Variants in SAMD5 observed in about 807,000 individuals in gnomAD.
The protein encoded by SAMD5 is sterile alpha motif domain containing 5.
In SAMD5, 13 loss-of-function variants were observed where a neutral mutation model predicts 11.3. The observed-to-expected ratio is 1.15, with a 90% CI of 0.75 to 1.83. The LOEUF (loss-of-function observed/expected upper bound fraction) is 1.83. Among genes scored for constraint, SAMD5 ranks in the 40% most tolerant of loss-of-function variants. The pLI is 0.00. For missense variants in SAMD5, 255 were observed against 239.1 expected (o/e 1.07, Z -0.44); for synonymous variants, 129 against 111.3 (o/e 1.16, Z -1.00).
At chr6:147,804,007 G>T in the SAMD5 span, among the ~76,000 whole-genome samples, 1 of 152,018 alleles carries the variant, frequency 6.6e-6, no homozygotes, top group African/African-American at 2.4e-5. Context: ...CCTTGGGAAA[G>T]CTTTTTTCAC....
the SAMD5 span, among the ~76,000 whole-genome samples, chr6:147,943,007 G>A: frequency 1.3e-5 from 2 of 151,786 alleles, no homozygotes; most frequent in Non-Finnish European, 2.9e-5. Context: ...TTTTAGTAGA[G>A]ATGGAGTTTT....
At chr6:147,653,163 T>G (rs896107200) in intron 1 of SAMD5, among the ~76,000 whole-genome samples, 1 of 152,184 alleles carries the variant, frequency 6.6e-6, no homozygotes, top group African/African-American at 2.4e-5. Flanking sequence ...ATCCACGTAT[T>G]TCCTAGAAAT....
At chr6:147,787,379 A>T in the SAMD5 span, among the ~76,000 whole-genome samples, 2 of 152,148 alleles carry the variant, frequency 1.3e-5, no homozygotes, top group African/African-American at 4.8e-5. Context: ...TTACTTTATA[A>T]ATCTTACTTT....
intron 1 of SAMD5, among the ~76,000 whole-genome samples, chr6:147,653,420 A>C (rs1790518484): frequency 6.6e-6 from 1 of 152,254 alleles, no homozygotes; most frequent in African/African-American, 2.4e-5. Flanking sequence ...AAGTGTGTAC[A>C]TGTGAAGACT....
At chr6:147,939,898 T>C in the SAMD5 span, among the ~76,000 whole-genome samples, 1 of 152,066 alleles carries the variant, frequency 6.6e-6, no homozygotes, top group Non-Finnish European at 1.5e-5. Flanking sequence ...CATATTTCTA[T>C]AGGGGTAAGA....
chr6:147,924,642 A>T, the SAMD5 span, among the ~76,000 whole-genome samples: 1 of 151,902 alleles, frequency 6.6e-6, no homozygotes, highest in Non-Finnish European at 1.5e-5. Flanking sequence ...ACCGAACAAA[A>T]CTAAAACAAA....
At chr6:147,754,347 C>CTTTTTTTTTTTTTTT in the SAMD5 span, among the ~76,000 whole-genome samples, 1 of 130,686 alleles carries the variant, frequency 7.7e-6, no homozygotes, top group Non-Finnish European at 1.6e-5. Flanking sequence ...ATTTGTATGT[C>CTTTTTTTTTTTTTTT]TTTTTTTTTT....
At chr6:147,831,759 G>A in the SAMD5 span, among the ~76,000 whole-genome samples, 1 of 152,128 alleles carries the variant, frequency 6.6e-6, no homozygotes, top group African/African-American at 2.4e-5. Flanking sequence ...TATTGAATGT[G>A]CACACTGAAT....
At chr6:147,688,386 C>A (rs1014860772) in intron 1 of SAMD5, among the ~76,000 whole-genome samples, 18 of 152,126 alleles carry the variant, frequency 1.2e-4, no homozygotes, top group African/African-American at 4.1e-4. Flanking sequence ...TTGAGATTCT[C>A]AGTGATAGTT....
intron 1 of SAMD5, among the ~76,000 whole-genome samples, chr6:147,727,899 C>T (rs73787394): frequency 0.028 from 4,207 of 152,254 alleles, 195 homozygotes; most frequent in African/African-American, 0.097. Context: ...GGAATCAATG[C>T]ATTATTTTGA....
chr6:147,554,704 A>T (rs1464263147), intron 1 of SAMD5, among the ~76,000 whole-genome samples: 1 of 152,174 alleles, frequency 6.6e-6, no homozygotes, highest in African/African-American at 2.4e-5. Context: ...ACTGAGCCAG[A>T]TGAGAGCCAG....
the SAMD5 span, among the ~76,000 whole-genome samples, chr6:147,906,275 C>T: frequency 6.6e-6 from 1 of 152,126 alleles, no homozygotes; most frequent in Non-Finnish European, 1.5e-5. Context: ...TGGAGCTCAG[C>T]CTCAGACAGA....
the SAMD5 span, among the ~76,000 whole-genome samples, chr6:147,911,260 T>G: frequency 6.6e-6 from 1 of 152,232 alleles, no homozygotes; most frequent in Non-Finnish European, 1.5e-5. Context: ...CACGGTTGTT[T>G]AGCAGAGGTA....
At chr6:147,879,055 C>T in the SAMD5 span, among the ~76,000 whole-genome samples, 1 of 152,162 alleles carries the variant, frequency 6.6e-6, no homozygotes, top group Non-Finnish European at 1.5e-5. Flanking sequence ...GATATTGAAT[C>T]CTCACTGCGA....
Position 147,564,703 on chromosome 6 carries a change from A to G in SAMD5, c.*247A>G. 1 of 1,215,558 alleles carries G rather than the reference A, an allele frequency of 8.2e-7. No homozygotes were observed. The highest frequency in any genetic ancestry group is 2.1e-5 in the South Asian group (1 of 46,626). The allele number at this position is 1,215,558 out of a possible 1,614,324, so 75.3% of individuals were successfully genotyped here. On this transcript the variant is annotated 3_prime_UTR_variant, in exon 2 of 2. Transcript: ENST00000367474. ...GTATTGAGTTCATTTTTTTAAGAAG[A>G]TATCATGATGAGATACAGTCTTATG...
At chr6:147,603,922 C>A (rs527513189) in intron 1 of SAMD5, among the ~76,000 whole-genome samples, 1 of 152,104 alleles carries the variant, frequency 6.6e-6, no homozygotes, top group Non-Finnish European at 1.5e-5. Flanking sequence ...TTCTAGCTTT[C>A]GTTGATACTA....
the SAMD5 span, among the ~76,000 whole-genome samples, chr6:147,747,420 C>G: frequency 6.6e-6 from 1 of 152,200 alleles, no homozygotes; most frequent in African/African-American, 2.4e-5. Context: ...TGGGGGCAAA[C>G]ACTGTTTTGA....
chr6:147,910,299 C>T, the SAMD5 span, among the ~76,000 whole-genome samples: 3,135 of 152,084 alleles, frequency 0.021, 111 homozygotes, highest in African/African-American at 0.071. Context: ...TGGCAAGTGG[C>T]GTATCTGGGG....
At chr6:147,843,042 T>C in the SAMD5 span, among the ~76,000 whole-genome samples, 1 of 152,268 alleles carries the variant, frequency 6.6e-6, no homozygotes, top group African/African-American at 2.4e-5. Flanking sequence ...GTATTTTTAG[T>C]AGAAACAGGG....
Sources: gnomAD v4.1 joint callset for allele counts (sites outside exome capture counted in the v4.1 genomes callset) on GRCh38, gnomAD v4.1.1 for gene constraint, MANE v1.5 for transcripts, NCBI Gene and HGNC (gene_info 2026-07-23, HGNC 2026-07-21) for gene names.